The following APBB1IP variants were observed in gnomAD, a reference collection of about 807,000 sequenced individuals.
APBB1IP encodes the protein amyloid beta A4 precursor protein-binding family B member 1-interacting protein.
A neutral mutation model predicts 64.9 loss-of-function variants in APBB1IP; 27 were observed. That is an observed-to-expected ratio of 0.42 (90% CI 0.31 to 0.57). The LOEUF (loss-of-function observed/expected upper bound fraction) is 0.57, where lower values mean the gene tolerates loss of function less well. APBB1IP is among the 20% of genes least tolerant of loss of function. The probability of loss-of-function intolerance (pLI) is 0.20; values close to 1 mark genes in which losing one functional copy is unlikely to be tolerated. For missense variants in APBB1IP, 812 were observed against 845.5 expected, an observed-to-expected ratio of 0.96 and a Z score of 0.49; for synonymous variants, 392 against 331.0, an observed-to-expected ratio of 1.18 and a Z score of -2.00.
intron 11 of APBB1IP, among the ~76,000 whole-genome samples, chr10:26,556,472 T>C (rs930875125): frequency 8.5e-5 from 13 of 152,278 alleles, no homozygotes; most frequent in Middle Eastern, 3.4e-3. Flanking sequence ...AGCACACATA[T>C]AGTGTAAGGA....
intron 8 of APBB1IP, among the ~76,000 whole-genome samples, chr10:26,519,634 T>C (rs1160908447): frequency 6.6e-6 from 1 of 152,186 alleles, no homozygotes; most frequent in Non-Finnish European, 1.5e-5. Flanking sequence ...TCCAAACCAT[T>C]ACTACTGTAA....
At chr10:26,452,151 C>A (rs1394284395) in intron 2 of APBB1IP, among the ~76,000 whole-genome samples, 4 of 151,324 alleles carry the variant, frequency 2.6e-5, no homozygotes, top group Non-Finnish European at 2.9e-5. Flanking sequence ...TATTCTTAGA[C>A]AAAAAAAAGT....
At chr10:26,444,853 A>T (rs1385152346) in intron 2 of APBB1IP, among the ~76,000 whole-genome samples, 2 of 152,148 alleles carry the variant, frequency 1.3e-5, no homozygotes, top group African/African-American at 4.8e-5. Flanking sequence ...AATCCCAAAC[A>T]CTTTGGGAGG....
At chr10:26,470,243 A>G (rs933528923) in intron 2 of APBB1IP, among the ~76,000 whole-genome samples, 1 of 152,226 alleles carries the variant, frequency 6.6e-6, no homozygotes, top group Non-Finnish European at 1.5e-5. Context: ...TCTTCATTAT[A>G]AAAGAGGCTC....
chr10:26,518,311 A>C (rs997618228), intron 8 of APBB1IP, among the ~76,000 whole-genome samples: 4 of 150,616 alleles, frequency 2.7e-5, no homozygotes, highest in Admixed American at 6.6e-5. Flanking sequence ...GCAGTGACAC[A>C]ATCTCAGCTC....
At chr10:26,492,261 T>C in intron 2 of APBB1IP, 66 bp from the exon 3 acceptor site, 1 of 1,428,656 alleles carries the variant, frequency 7.0e-7, no homozygotes, top group Non-Finnish European at 9.8e-7. Flanking sequence ...AAGAGAGGGA[T>C]GCAAAGAGTA....
At chr10:26,497,439 T>C (rs1429966648) in intron 4 of APBB1IP, among the ~76,000 whole-genome samples, 2 of 151,528 alleles carry the variant, frequency 1.3e-5, no homozygotes, top group Non-Finnish European at 2.9e-5. Context: ...TAGTCCCAGG[T>C]ACCTGGGAGG....
intron 2 of APBB1IP, among the ~76,000 whole-genome samples, chr10:26,482,828 G>A (rs1835850808): frequency 6.6e-6 from 1 of 151,458 alleles, no homozygotes; most frequent in Non-Finnish European, 1.5e-5. Context: ...AACAGTCCCT[G>A]TAACTCCAGC....
intron 7 of APBB1IP, among the ~76,000 whole-genome samples, chr10:26,512,508 G>A (rs1836273810): frequency 6.6e-6 from 1 of 152,068 alleles, no homozygotes; most frequent in Non-Finnish European, 1.5e-5. Context: ...TCTAGTGGAA[G>A]AGTTTCAGCC....
intron 9 of APBB1IP, among the ~76,000 whole-genome samples, chr10:26,535,227 C>G (rs540990051): frequency 2.0e-5 from 3 of 152,046 alleles, no homozygotes; most frequent in Non-Finnish European, 4.4e-5. Context: ...TTTTCTGATA[C>G]TGATGTATTT....
intron 2 of APBB1IP, among the ~76,000 whole-genome samples, chr10:26,470,563 T>A (rs1342083834): frequency 6.6e-6 from 1 of 152,044 alleles, no homozygotes; most frequent in Non-Finnish European, 1.5e-5. Flanking sequence ...AATAAATATG[T>A]TCGTTAGATG....
chr10:26,447,352 G>A (rs1477528476), intron 2 of APBB1IP, among the ~76,000 whole-genome samples: 16 of 139,464 alleles, frequency 1.1e-4, no homozygotes, highest in Non-Finnish European at 2.1e-4. Context: ...TCCAGCCTGG[G>A]TGACAGAGTG....
At chr10:26,539,491 G>A (rs746249289) in intron 10 of APBB1IP, among the ~76,000 whole-genome samples, 3 of 151,104 alleles carry the variant, frequency 2.0e-5, no homozygotes, top group Admixed American at 6.6e-5. Flanking sequence ...AGGGAGGGAA[G>A]GAAGGAAGGA....
chr10:26,446,039 T>A (rs1477965723), intron 2 of APBB1IP, among the ~76,000 whole-genome samples: 1 of 152,142 alleles, frequency 6.6e-6, no homozygotes, highest in Non-Finnish European at 1.5e-5. Flanking sequence ...GTCTTTCAAG[T>A]GTGTTTGTAG....
rs574913008 is a variant in APBB1IP at position 26,490,494 on chromosome 10, G to A, written c.1-1833G>A. On this transcript the variant is annotated intron_variant, in intron 2 of 14. Transcript: ENST00000376236. ...ACAAAAATTAACCAGGTGTGGTGGG[G>A]CATGCCTGTAATTCCAGCTACTCAG... is the stretch of plus-strand genomic sequence containing the variant. 2.0e-4 allele frequency among the ~76,000 whole-genome samples: 30 copies of A among 152,180 alleles called. 1 individual carries two copies. The South Asian group carries it at 6.2e-3, about 32-fold the overall frequency.
At chr10:26,454,546 T>A (rs1242270067) in intron 2 of APBB1IP, among the ~76,000 whole-genome samples, 4 of 127,008 alleles carry the variant, frequency 3.1e-5, no homozygotes, top group African/African-American at 9.1e-5. Context: ...AGGTAGAGAG[T>A]AGAAGGATGG....
intron 8 of APBB1IP, among the ~76,000 whole-genome samples, chr10:26,523,010 CAAAAAAAAAAA>C (rs35641109): frequency 1.1e-4 from 7 of 64,764 alleles, no homozygotes; most frequent in African/African-American, 3.4e-4. Flanking sequence ...ACTCCATCTC[CAAAAAAAAAAA>C]AAAAAAAAAA....
At chr10:26,495,239 G>A (rs1836006725) in intron 3 of APBB1IP, among the ~76,000 whole-genome samples, 1 of 151,588 alleles carries the variant, frequency 6.6e-6, no homozygotes, top group South Asian at 2.1e-4. Flanking sequence ...ATCTCCTGAT[G>A]TTGTGATCTG....
chr10:26,489,349 T>C (rs1482990000), intron 2 of APBB1IP, among the ~76,000 whole-genome samples: 4 of 152,136 alleles, frequency 2.6e-5, no homozygotes, highest in Admixed American at 6.5e-5. Flanking sequence ...GATAAGGTTA[T>C]GTAGGAGAAG....
Sources: allele counts gnomAD v4.1 joint callset (sites outside exome capture counted in the v4.1 genomes callset), GRCh38; gene constraint gnomAD v4.1.1; transcripts MANE v1.5; gene names NCBI Gene and HGNC (gene_info 2026-07-23, HGNC 2026-07-21).